FRYL: variants seen among roughly 807,000 people sequenced by gnomAD.
FRYL encodes protein furry homolog-like.
In FRYL, 150 loss-of-function variants were observed where a neutral mutation model predicts 351.2. The observed-to-expected ratio is 0.43, with a 90% CI of 0.37 to 0.49. The LOEUF (loss-of-function observed/expected upper bound fraction) is 0.49, where lower values mean the gene tolerates loss of function less well. Ranked by LOEUF, FRYL falls within the 20% of genes least tolerant of loss-of-function variation. The pLI is 0.00. For missense variants in FRYL, 3,036 were observed against 3,619.3 expected (o/e 0.84, Z 4.13); for synonymous variants, 1,153 against 1,257.1 (o/e 0.92, Z 1.75).
intron 4 of FRYL, 145 bp downstream of exon 4, chr4:48,634,146 A>G (rs1753786134): frequency 1.6e-6 from 1 of 617,142 alleles, no homozygotes; most frequent in African/African-American, 1.9e-5. Context: ...ATCAAAGTGG[A>G]TTCTAAAGTC....
intron 4 of FRYL, among the ~76,000 whole-genome samples, chr4:48,629,438 G>A (rs187097253): frequency 2.0e-5 from 3 of 152,224 alleles, no homozygotes. Context: ...TAAGCAAAGG[G>A]GAAAGTCGGC....
At chr4:48,592,622 T>G (rs1446820739) in intron 16 of FRYL, among the ~76,000 whole-genome samples, 2 of 152,198 alleles carry the variant, frequency 1.3e-5, no homozygotes, top group African/African-American at 4.8e-5. Context: ...TAATTTTTGT[T>G]GCTGGAAACC....
intron 4 of FRYL, among the ~76,000 whole-genome samples, chr4:48,626,242 C>T (rs895057954): frequency 6.6e-6 from 1 of 151,722 alleles, no homozygotes; most frequent in African/African-American, 2.4e-5. Flanking sequence ...ATAAACCTCT[C>T]TCTCTCTATG....
intron 62 of FRYL, 72 bp downstream of exon 62, chr4:48,501,548 TTTA>T: frequency 1.2e-6 from 1 of 822,842 alleles, no homozygotes; most frequent in Non-Finnish European, 2.1e-6. Context: ...CTTAAGCTAT[TTTA>T]ACAAGTAATA....
intron 1 of FRYL, among the ~76,000 whole-genome samples, chr4:48,721,798 A>G (rs1769499670): frequency 6.6e-6 from 1 of 151,962 alleles, no homozygotes; most frequent in African/African-American, 2.4e-5. Flanking sequence ...CCGCCACCAC[A>G]CCCGGCTAAT....
At chr4:48,606,737 A>G in intron 9 of FRYL, 131 bp from the exon 10 acceptor site, 1 of 585,842 alleles carries the variant, frequency 1.7e-6, no homozygotes, top group East Asian at 2.9e-5. Flanking sequence ...TACAATTGCC[A>G]GAAAGGCACA....
chr4:48,771,166 T>G (rs1432775722), intron 1 of FRYL, among the ~76,000 whole-genome samples: 3 of 152,174 alleles, frequency 2.0e-5, no homozygotes, highest in Non-Finnish European at 2.9e-5. Context: ...AAAAAATGCA[T>G]GACAAACTGT....
intron 62 of FRYL, 26 bp from the exon 63 acceptor site, chr4:48,500,246 C>G: frequency 6.9e-7 from 1 of 1,455,486 alleles, no homozygotes; most frequent in Non-Finnish European, 9.3e-7. Context: ...CTTTAAGGAT[C>G]TATTCGTATG....
intron 1 of FRYL, among the ~76,000 whole-genome samples, chr4:48,752,509 T>A (rs768803792): frequency 1.3e-5 from 2 of 152,258 alleles, no homozygotes; most frequent in Non-Finnish European, 2.9e-5. Flanking sequence ...AATGTTACAT[T>A]TCCTGAATTT....
At chr4:48,593,754 C>A (rs756229318) in intron 16 of FRYL, among the ~76,000 whole-genome samples, 176 bp downstream of exon 16, 12 of 152,046 alleles carry the variant, frequency 7.9e-5, no homozygotes, top group Non-Finnish European at 1.3e-4. Context: ...AACAAACAAA[C>A]AAACACTATT....
intron 1 of FRYL, among the ~76,000 whole-genome samples, chr4:48,754,502 C>G (rs1007695274): frequency 6.6e-6 from 1 of 151,992 alleles, no homozygotes; most frequent in African/African-American, 2.4e-5. Flanking sequence ...GAGTATATAC[C>G]TAGGGTAGAA....
At chr4:48,766,279 G>C (rs1389285032) in intron 1 of FRYL, among the ~76,000 whole-genome samples, 4 of 152,152 alleles carry the variant, frequency 2.6e-5, no homozygotes, top group Admixed American at 2.6e-4. Context: ...TGTTCCCTGA[G>C]AAGCTGCAGG....
chr4:48,751,855 G>A (rs1489985365), intron 1 of FRYL, among the ~76,000 whole-genome samples: 1 of 134,540 alleles, frequency 7.4e-6, no homozygotes, highest in Non-Finnish European at 1.6e-5. Flanking sequence ...TTTTTTTTTG[G>A]TCACCTGATT....
In FRYL at chr4:48,726,983, CAG is replaced by C. The variant is rs1253024074; in HGVS notation, c.-383-16287_-383-16286del. Among the ~76,000 whole-genome samples the C allele has an allele frequency of 2.6e-5, 4 of 152,196 alleles. No individual in the cohort carries two copies. The East Asian group carries it at 7.7e-4, about 29-fold the overall frequency. ...AATTCAGCAAATCAAGAAAATCTGACAGGGGCAGGTAGTTTAAGAGATGGACA... is the reference window on the plus strand; with the variant it reads ...AATTCAGCAAATCAAGAAAATCTGACGGGCAGGTAGTTTAAGAGATGGACA... On this transcript the variant is annotated intron_variant, in intron 1 of 63. Transcript: ENST00000358350.
chr4:48,520,860 A>T (rs1248581994), intron 55 of FRYL, among the ~76,000 whole-genome samples, 188 bp downstream of exon 55: 4 of 152,224 alleles, frequency 2.6e-5, no homozygotes, highest in Non-Finnish European at 4.4e-5. Flanking sequence ...TTTAACCTGT[A>T]GGTCATTTCC....
chr4:48,763,106 T>TAAAAAAAAAAA (rs10683757), intron 1 of FRYL, among the ~76,000 whole-genome samples: 1 of 91,536 alleles, frequency 1.1e-5, no homozygotes. Flanking sequence ...TACAGATCTG[T>TAAAAAAAAAAA]AAAAAAAAAA....
Position 48,498,105 on chromosome 4 carries a change from T to A in FRYL, c.*1317A>T, listed in dbSNP as rs1363004651. The stretch of plus-strand genomic sequence containing the variant: ...TTTTTTTCTTTCTTTTCTTACAAAA[T>A]GCGATTTTAGAAAAGGATAGAGACT... On this transcript the variant is annotated 3_prime_UTR_variant, in exon 64 of 64. Coordinates refer to ENST00000358350, the MANE Select transcript of FRYL (RefSeq NM_015030.2). The A allele has an allele frequency of 6.6e-6, 1 of 150,818 alleles. No individual in the cohort carries two copies. Among genetic ancestry groups the A allele is most frequent in the African/African-American group, 2.4e-5 (1 of 41,070 alleles). The allele number at this position is 150,818 out of a possible 1,614,324, so 9.3% of individuals were successfully genotyped here. A position where few individuals can be genotyped will look rare whatever the true frequency, so the allele number is the denominator to read the frequency against.
At chr4:48,633,450 A>G (rs1176426030) in intron 4 of FRYL, among the ~76,000 whole-genome samples, 1 of 152,170 alleles carries the variant, frequency 6.6e-6, no homozygotes, top group Non-Finnish European at 1.5e-5. Flanking sequence ...GAGTTCTCAA[A>G]AAGAATTTCC....
chr4:48,631,781 A>G (rs1205889601), intron 4 of FRYL, among the ~76,000 whole-genome samples: 1 of 151,772 alleles, frequency 6.6e-6, no homozygotes, highest in East Asian at 1.9e-4. Flanking sequence ...AGAATATATA[A>G]TATGGCCAGA....
Sources: gnomAD v4.1 joint callset for allele counts (sites outside exome capture counted in the v4.1 genomes callset) on GRCh38, gnomAD v4.1.1 for gene constraint, MANE v1.5 for transcripts, NCBI Gene and HGNC (gene_info 2026-07-23, HGNC 2026-07-21) for gene names.